The following GLIS3 variants were observed in gnomAD, a reference collection of about 807,000 sequenced individuals.
The protein encoded by GLIS3 is GLIS family zinc finger 3.
A neutral mutation model predicts 78.6 loss-of-function variants in GLIS3; 53 were observed. The ratio of observed to expected loss-of-function variants is 0.67; its 90% CI spans 0.54 to 0.85. The LOEUF is 0.85. Among genes scored for constraint, GLIS3 ranks in the 40% least tolerant of loss-of-function variants. The pLI, the probability that GLIS3 is intolerant of heterozygous loss-of-function variation, is 0.00. For synonymous variants in GLIS3, 684 were observed against 509.9 expected, an observed-to-expected ratio of 1.34 and a Z score of -4.60; for missense variants, 1,703 against 1,231.1, an observed-to-expected ratio of 1.38 and a Z score of -5.74.
intron 2 of GLIS3, among the ~76,000 whole-genome samples, chr9:4,327,105 T>G (rs10435804): frequency 1.3e-5 from 2 of 152,048 alleles, no homozygotes; most frequent in East Asian, 1.9e-4. Context: ...GATGAAAAAG[T>G]GGGACAGGAG....
the GLIS3 span, among the ~76,000 whole-genome samples, chr9:4,427,466 C>G: frequency 6.6e-6 from 1 of 152,172 alleles, no homozygotes; most frequent in South Asian, 2.1e-4. Context: ...AGGATGTATA[C>G]ACACTCTTAT....
intron 7 of GLIS3, among the ~76,000 whole-genome samples, chr9:3,889,506 T>C (rs190164367): frequency 4.1e-4 from 62 of 152,310 alleles, no homozygotes; most frequent in African/African-American, 1.3e-3. Flanking sequence ...TAAAATATTA[T>C]GGGGATCAAT....
At chr9:3,951,882 A>ACACACACACACG (rs756794557) in intron 4 of GLIS3, among the ~76,000 whole-genome samples, 29 of 147,520 alleles carry the variant, frequency 2.0e-4, no homozygotes, top group East Asian at 3.9e-4. Context: ...ACACACACAC[A>ACACACACACACG]CACGCACGCA....
At chr9:4,372,818 C>T in the GLIS3 span, among the ~76,000 whole-genome samples, 1 of 152,290 alleles carries the variant, frequency 6.6e-6, no homozygotes, top group South Asian at 2.1e-4. Context: ...ATCCTTATTT[C>T]ACCTACGTTC....
intron 2 of GLIS3, among the ~76,000 whole-genome samples, chr9:4,211,663 G>A (rs1219019642): frequency 1.3e-5 from 2 of 152,154 alleles, no homozygotes; most frequent in Non-Finnish European, 2.9e-5. Flanking sequence ...AATCCCACTC[G>A]TAAATATTTA....
At chr9:4,310,775 T>A (rs1353662825) in intron 2 of GLIS3, among the ~76,000 whole-genome samples, 1 of 152,206 alleles carries the variant, frequency 6.6e-6, no homozygotes, top group Non-Finnish European at 1.5e-5. Flanking sequence ...TGATGAGGAC[T>A]TGATCAGCAC....
At chr9:4,406,506 G>A in the GLIS3 span, among the ~76,000 whole-genome samples, 1 of 152,136 alleles carries the variant, frequency 6.6e-6, no homozygotes, top group Non-Finnish European at 1.5e-5. Flanking sequence ...TTTCAGTAGA[G>A]AAGGGGTTTC....
At chr9:3,966,039 T>C (rs1460365888) in intron 4 of GLIS3, among the ~76,000 whole-genome samples, 1 of 152,232 alleles carries the variant, frequency 6.6e-6, no homozygotes, top group Non-Finnish European at 1.5e-5. Flanking sequence ...AATTTTCATT[T>C]CAACAGAAAA....
intron 4 of GLIS3, among the ~76,000 whole-genome samples, chr9:4,082,196 G>T (rs1184550414): frequency 6.6e-6 from 1 of 152,186 alleles, no homozygotes; most frequent in Non-Finnish European, 1.5e-5. Flanking sequence ...GCATCATGCA[G>T]GCAGCAATTT....
upstream of GLIS3, among the ~76,000 whole-genome samples, chr9:4,304,108 G>C (rs145328781): frequency 4.4e-3 from 675 of 152,348 alleles, 3 homozygotes; most frequent in African/African-American, 0.016. Flanking sequence ...GAGAATGAAA[G>C]AATGGTTTCT....
intron 4 of GLIS3, among the ~76,000 whole-genome samples, chr9:3,985,845 T>C (rs1452487686): frequency 1.3e-5 from 2 of 152,242 alleles, no homozygotes; most frequent in African/African-American, 4.8e-5. Context: ...AACAATCTAC[T>C]TTTGTAAAAG....
intron 8 of GLIS3, among the ~76,000 whole-genome samples, chr9:3,871,147 T>C (rs1392503778): frequency 6.6e-6 from 1 of 152,218 alleles, no homozygotes; most frequent in Non-Finnish European, 1.5e-5. Flanking sequence ...CCATGTCTCA[T>C]ACCCAGGTCA....
chr9:4,020,716 A>G (rs1822817309), intron 4 of GLIS3, among the ~76,000 whole-genome samples: 1 of 152,210 alleles, frequency 6.6e-6, no homozygotes, highest in Admixed American at 6.5e-5. Flanking sequence ...CCAATTATTT[A>G]CACGGTGTCA....
At chr9:4,074,995 C>G (rs1372380104) in intron 4 of GLIS3, among the ~76,000 whole-genome samples, 3 of 152,148 alleles carry the variant, frequency 2.0e-5, no homozygotes, top group Non-Finnish European at 2.9e-5. Context: ...TTTCTGATCT[C>G]ATGATGAAGA....
At chr9:4,227,537 T>G (rs926861430) in intron 2 of GLIS3, among the ~76,000 whole-genome samples, 1 of 152,190 alleles carries the variant, frequency 6.6e-6, no homozygotes, top group Non-Finnish European at 1.5e-5. Flanking sequence ...TGTGCTGTAG[T>G]AATTCCATGT....
At chr9:3,896,920 A>C (rs1822885684) in intron 7 of GLIS3, among the ~76,000 whole-genome samples, 1 of 152,118 alleles carries the variant, frequency 6.6e-6, no homozygotes, top group African/African-American at 2.4e-5. Flanking sequence ...CTTTTTGAGG[A>C]CCGAATATAG....
the GLIS3 span, among the ~76,000 whole-genome samples, chr9:4,373,114 A>C: frequency 1.3e-5 from 2 of 152,236 alleles, no homozygotes; most frequent in East Asian, 3.8e-4. Context: ...CTAAGTTCCA[A>C]GCACAGAAAA....
chr9:4,016,598 C>G (rs923923084), intron 4 of GLIS3, among the ~76,000 whole-genome samples: 2 of 152,154 alleles, frequency 1.3e-5, no homozygotes, highest in African/African-American at 2.4e-5. Context: ...CTTGAGATTT[C>G]TGAGCTTGTT....
At chr9:3,849,812 G>C (rs1819306724) in intron 9 of GLIS3, among the ~76,000 whole-genome samples, 1 of 152,144 alleles carries the variant, frequency 6.6e-6, no homozygotes, top group African/African-American at 2.4e-5. Context: ...AGGAGGCTGA[G>C]GCAGGAGAAT....
Sources: allele counts gnomAD v4.1 joint callset (sites outside exome capture counted in the v4.1 genomes callset), GRCh38; gene constraint gnomAD v4.1.1; transcripts MANE v1.5; gene names NCBI Gene and HGNC (gene_info 2026-07-23, HGNC 2026-07-21).